The following PACRG variants were observed in gnomAD, a reference collection of about 807,000 sequenced individuals.
The protein encoded by PACRG is parkin coregulated.
A neutral mutation model predicts 29.7 loss-of-function variants in PACRG; 29 were observed. The ratio of observed to expected loss-of-function variants is 0.98; its 90% CI spans 0.73 to 1.33. The LOEUF is 1.33. Among genes scored for constraint, PACRG ranks in the 40% most tolerant of loss-of-function variants. PACRG has a pLI of 0.00. For missense variants in PACRG, 279 were observed against 316.2 expected (o/e 0.88, Z 0.89); for synonymous variants, 116 against 118.7 (o/e 0.98, Z 0.15).
At chr6:163,192,352 G>C (rs1446721486) in intron 4 of PACRG, among the ~76,000 whole-genome samples, 1 of 152,196 alleles carries the variant, frequency 6.6e-6, no homozygotes, top group Non-Finnish European at 1.5e-5. Flanking sequence ...TCTATTGTTT[G>C]TTTTTCTCTG....
At chr6:163,042,023 G>A (rs1428767247) in intron 2 of PACRG, among the ~76,000 whole-genome samples, 2 of 152,070 alleles carry the variant, frequency 1.3e-5, no homozygotes, top group Non-Finnish European at 1.5e-5. Flanking sequence ...GCACCACCAC[G>A]CCTGGCTAAT....
At chr6:163,123,608 T>TA (rs144247312) in intron 4 of PACRG, among the ~76,000 whole-genome samples, 3,126 of 152,314 alleles carry the variant, frequency 0.021, 101 homozygotes, top group African/African-American at 0.071. Context: ...CTCTGGAACT[T>TA]ATCTTGTGTA....
intron 3 of PACRG, among the ~76,000 whole-genome samples, chr6:163,075,913 A>C (rs886214108): frequency 6.6e-6 from 1 of 152,170 alleles, no homozygotes; most frequent in Admixed American, 6.5e-5. Flanking sequence ...GTTCATTGTC[A>C]TTGCTTAGGG....
chr6:163,006,355 G>A (rs928953500), intron 2 of PACRG, among the ~76,000 whole-genome samples: 10 of 150,502 alleles, frequency 6.6e-5, no homozygotes, highest in Non-Finnish European at 1.5e-4. Flanking sequence ...TTCTATTTTC[G>A]TAAATGTTCT....
At chr6:162,753,655 A>AT (rs140677687) in intron 1 of PACRG, among the ~76,000 whole-genome samples, 11,722 of 152,132 alleles carry the variant, frequency 0.077, 636 homozygotes, top group Middle Eastern at 0.17. Context: ...TAATTCGATC[A>AT]TTCCCCCATG....
intron 2 of PACRG, among the ~76,000 whole-genome samples, chr6:163,006,277 A>G (rs1805107875): frequency 6.7e-6 from 1 of 148,734 alleles, no homozygotes; most frequent in Non-Finnish European, 1.5e-5. Flanking sequence ...ATGTGTAATA[A>G]TCACATCAGG....
intron 2 of PACRG, among the ~76,000 whole-genome samples, chr6:162,946,591 A>G (rs1245373717): frequency 6.6e-6 from 1 of 152,144 alleles, no homozygotes; most frequent in Non-Finnish European, 1.5e-5. Flanking sequence ...TTCTCAAACT[A>G]TTCCAAAAAA....
chr6:163,020,701 T>A (rs2128220053), intron 2 of PACRG, among the ~76,000 whole-genome samples: 1 of 152,256 alleles, frequency 6.6e-6, no homozygotes, highest in East Asian at 1.9e-4. Flanking sequence ...ACCGAGAAAA[T>A]CTTTTTTTTC....
intron 3 of PACRG, among the ~76,000 whole-genome samples, chr6:163,072,836 T>C (rs1812199191): frequency 6.6e-6 from 1 of 152,006 alleles, no homozygotes. Flanking sequence ...AAAAGAAATT[T>C]TACAATGTAG....
At chr6:162,803,339 G>A (rs956895999) in intron 1 of PACRG, among the ~76,000 whole-genome samples, 2 of 152,264 alleles carry the variant, frequency 1.3e-5, no homozygotes, top group Admixed American at 6.5e-5. Context: ...TGCTTGAAGG[G>A]CCTGTGCAGG....
At chr6:162,832,094 C>A (rs1478716065) in intron 2 of PACRG, among the ~76,000 whole-genome samples, 1 of 152,220 alleles carries the variant, frequency 6.6e-6, no homozygotes, top group Non-Finnish European at 1.5e-5. Flanking sequence ...CTGTCTTCCA[C>A]AATGGTTGAA....
chr6:163,005,072 T>G (rs1804941914), intron 2 of PACRG, among the ~76,000 whole-genome samples: 1 of 152,070 alleles, frequency 6.6e-6, no homozygotes, highest in East Asian at 1.9e-4. Flanking sequence ...CCATGTCATG[T>G]AAGCTGTATT....
At chr6:163,122,626 GC>G (rs1816339224) in intron 4 of PACRG, among the ~76,000 whole-genome samples, 1 of 152,136 alleles carries the variant, frequency 6.6e-6, no homozygotes, top group South Asian at 2.1e-4. Flanking sequence ...ACCAGATGCA[GC>G]CCCAGAAGTA....
intron 2 of PACRG, among the ~76,000 whole-genome samples, chr6:163,036,291 A>G (rs937577962): frequency 6.6e-6 from 1 of 152,212 alleles, no homozygotes; most frequent in African/African-American, 2.4e-5. Context: ...CTCATTTTCC[A>G]TAGTTCCAGG....
chr6:163,290,111 C>T (rs898825514), intron 4 of PACRG, among the ~76,000 whole-genome samples: 4 of 152,102 alleles, frequency 2.6e-5, no homozygotes, highest in Admixed American at 6.5e-5. Context: ...CTGCCCACTT[C>T]GGCCTCCCAG....
At position 162,928,793 on chromosome 6, in the gene PACRG, A is replaced by AAG. The variant is rs542727538; in HGVS notation, c.291+114513_291+114514insGA. Among the ~76,000 whole-genome samples the AAG allele has an allele frequency of 2.8e-4, 43 of 151,972 alleles. No homozygotes were observed. In the East Asian group the frequency reaches 7.4e-3, roughly 26 times the overall value. On this transcript the variant is annotated intron_variant, in intron 2 of 4. Coordinates refer to ENST00000366888, the MANE Select transcript of PACRG (RefSeq NM_001080379.2). ...CTCCCCACTCTTTCCAACCTCTGGT[A>AAG]ACAACCAATTTGTTTTCTTCTTAAT...
intron 2 of PACRG, among the ~76,000 whole-genome samples, chr6:162,858,272 T>C (rs1394809503): frequency 2.6e-5 from 4 of 152,110 alleles, no homozygotes; most frequent in African/African-American, 9.7e-5. Flanking sequence ...AGGCATATCT[T>C]ACATGGCAGC....
At chr6:163,094,365 C>T (rs1224417857) in intron 4 of PACRG, among the ~76,000 whole-genome samples, 2 of 152,138 alleles carry the variant, frequency 1.3e-5, no homozygotes, top group African/African-American at 4.8e-5. Flanking sequence ...TGAGATTATC[C>T]TAAATTCCTT....
chr6:163,285,770 G>A (rs1784380373), intron 4 of PACRG, among the ~76,000 whole-genome samples: 1 of 152,210 alleles, frequency 6.6e-6, no homozygotes, highest in African/African-American at 2.4e-5. Context: ...TATACTATGT[G>A]CGGCTCTGTA....
Sources: gnomAD v4.1 joint callset for allele counts (sites outside exome capture counted in the v4.1 genomes callset) on GRCh38, gnomAD v4.1.1 for gene constraint, MANE v1.5 for transcripts, NCBI Gene and HGNC (gene_info 2026-07-23, HGNC 2026-07-21) for gene names.